The following TCF4 variants were observed in gnomAD, a reference collection of about 807,000 sequenced individuals.
TCF4 encodes the protein SL3-3 enhancer factor 2.
TCF4 carries 3 observed loss-of-function variants against 82.1 expected under a neutral mutation model. The ratio of observed to expected loss-of-function variants is 0.04; its 90% CI spans 0.02 to 0.09. The LOEUF (loss-of-function observed/expected upper bound fraction) is 0.09. TCF4 is among the 10% of genes least tolerant of loss of function. The pLI, the probability that TCF4 is intolerant of heterozygous loss-of-function variation, is 1.00. For synonymous variants in TCF4, 276 were observed against 309.6 expected, an observed-to-expected ratio of 0.89 and a Z score of 1.14; for missense variants, 518 against 852.7, an observed-to-expected ratio of 0.61 and a Z score of 4.89.
chr18:55,308,363 A>C (rs2071087822), intron 8 of TCF4, among the ~76,000 whole-genome samples: 1 of 152,196 alleles, frequency 6.6e-6, no homozygotes, highest in Admixed American at 6.5e-5. Flanking sequence ...CCCATTACCC[A>C]AATGGTGAAT....
intron 6 of TCF4, among the ~76,000 whole-genome samples, chr18:55,386,563 G>C (rs1176621075): frequency 1.3e-5 from 2 of 151,966 alleles, no homozygotes; most frequent in Non-Finnish European, 2.9e-5. Flanking sequence ...ACCTTTCATT[G>C]TTAATTAAGA....
intron 8 of TCF4, among the ~76,000 whole-genome samples, chr18:55,345,516 AT>A (rs1207130642): frequency 1.3e-5 from 2 of 152,192 alleles, no homozygotes; most frequent in Non-Finnish European, 2.9e-5. Context: ...CTAAACATTA[AT>A]AAGCACAATT....
At chr18:55,551,475 C>G (rs533252667) in intron 3 of TCF4, 3 of 152,438 alleles carry the variant, frequency 2.0e-5, no homozygotes, top group African/African-American at 7.2e-5. Flanking sequence ...ACAATGTTAG[C>G]GAATGGCAGA....
intron 12 of TCF4, among the ~76,000 whole-genome samples, chr18:55,260,796 G>A (rs1322941328): frequency 2.0e-5 from 3 of 152,112 alleles, no homozygotes; most frequent in Non-Finnish European, 4.4e-5. Flanking sequence ...CTGACCTCAA[G>A]TGATCCTCCC....
At chr18:55,401,084 T>C (rs2093788222) in intron 6 of TCF4, 3 of 1,288,930 alleles carry the variant, frequency 2.3e-6, no homozygotes, top group Admixed American at 2.3e-5. Flanking sequence ...GCCTTTCTCT[T>C]TGGTTTGCAT....
intron 2 of TCF4, chr18:55,585,738 T>G: frequency 9.1e-7 from 1 of 1,094,736 alleles, no homozygotes; most frequent in Non-Finnish European, 1.1e-6. Flanking sequence ...GCCATAAACG[T>G]GGCAATGTCC....
At position 55,321,892 on chromosome 18, in the gene TCF4, C is replaced by A. The variant is rs549824889; in HGVS notation, c.549+28467G>T. On this transcript the variant is annotated intron_variant, in intron 8 of 19. Transcript: ENST00000354452. ...CAAAGCAGGAAGAGACCATTCCTGGCGGGCGGGGGAGGCCGCGGCGCTGCT... is the reference window on the plus strand; with the variant it reads ...CAAAGCAGGAAGAGACCATTCCTGGAGGGCGGGGGAGGCCGCGGCGCTGCT... 207 of 1,404,198 alleles carry A rather than the reference C, an allele frequency of 1.5e-4. No homozygotes were observed. The African/African-American group carries it at 2.7e-3, about 18-fold the overall frequency. The allele number at this position is 1,404,198 out of a possible 1,614,324, so 87.0% of individuals were successfully genotyped here.
At chr18:55,359,773 C>A (rs2084615700) in intron 6 of TCF4, among the ~76,000 whole-genome samples, 1 of 152,220 alleles carries the variant, frequency 6.6e-6, no homozygotes, top group African/African-American at 2.4e-5. Context: ...CTCAATGCCT[C>A]TTTTCCACAA....
chr18:55,298,411 T>C (rs370624560), intron 8 of TCF4, among the ~76,000 whole-genome samples: 4 of 152,328 alleles, frequency 2.6e-5, no homozygotes, highest in South Asian at 4.1e-4. Context: ...ACAGCTGCTG[T>C]TAAGTGACCC....
At chr18:55,268,160 G>C (rs1014576072) in intron 11 of TCF4, 24 of 152,094 alleles carry the variant, frequency 1.6e-4, no homozygotes, top group African/African-American at 5.8e-4. Flanking sequence ...TTTTCAAACA[G>C]AGCCTAAGTA....
chr18:55,301,856 T>C (rs2068429361), intron 8 of TCF4, among the ~76,000 whole-genome samples: 2 of 145,880 alleles, frequency 1.4e-5, no homozygotes, highest in African/African-American at 5.0e-5. Flanking sequence ...ATTCCCTTTC[T>C]CCCCCTCCAA....
At chr18:55,393,307 T>C (rs1414692082) in intron 6 of TCF4, among the ~76,000 whole-genome samples, 2 of 152,118 alleles carry the variant, frequency 1.3e-5, no homozygotes, top group Admixed American at 6.6e-5. Flanking sequence ...AAGGTTGCAG[T>C]GAGCTATGAC....
chr18:55,562,736 A>G (rs936111692), intron 3 of TCF4, among the ~76,000 whole-genome samples: 1 of 152,178 alleles, frequency 6.6e-6, no homozygotes, highest in Non-Finnish European at 1.5e-5. Context: ...TATGGTTAAT[A>G]TTTTTCTTTA....
chr18:55,430,709 G>C (rs1382004045), intron 5 of TCF4, among the ~76,000 whole-genome samples: 1 of 152,158 alleles, frequency 6.6e-6, no homozygotes, highest in Non-Finnish European at 1.5e-5. Context: ...GGATGTTGAG[G>C]GAGACAGGTT....
chr18:55,498,894 C>T (rs1233382949), intron 3 of TCF4, among the ~76,000 whole-genome samples: 1 of 152,116 alleles, frequency 6.6e-6, no homozygotes, highest in African/African-American at 2.4e-5. Context: ...GTAAGTACCC[C>T]TTAAAATACC....
intron 3 of TCF4, among the ~76,000 whole-genome samples, chr18:55,489,257 G>C (rs2096550399): frequency 6.6e-6 from 1 of 152,144 alleles, no homozygotes; most frequent in Admixed American, 6.6e-5. Context: ...TACTGAAGCA[G>C]ATTCTTCTAG....
intron 8 of TCF4, among the ~76,000 whole-genome samples, chr18:55,313,946 C>T (rs184974002): frequency 3.3e-5 from 5 of 152,088 alleles, no homozygotes; most frequent in African/African-American, 4.8e-5. Context: ...TCCCTCCCCC[C>T]CTTACAAATT....
intron 5 of TCF4, among the ~76,000 whole-genome samples, chr18:55,426,417 C>T (rs1240080174): frequency 6.6e-6 from 1 of 152,120 alleles, no homozygotes; most frequent in Admixed American, 6.5e-5. Context: ...TAAGTCAATA[C>T]CCACAAAAAG....
At chr18:55,518,703 A>T (rs921870255) in intron 3 of TCF4, among the ~76,000 whole-genome samples, 1 of 152,218 alleles carries the variant, frequency 6.6e-6, no homozygotes, top group African/African-American at 2.4e-5. Context: ...AGGGACACAG[A>T]CAAAAATCAG....
Sources: allele counts gnomAD v4.1 joint callset (sites outside exome capture counted in the v4.1 genomes callset), GRCh38; gene constraint gnomAD v4.1.1; transcripts MANE v1.5; gene names NCBI Gene and HGNC (gene_info 2026-07-23, HGNC 2026-07-21).